FOXP1: variants seen among roughly 807,000 people sequenced by gnomAD.
FOXP1 encodes the protein forkhead box protein P1.
FOXP1 carries 15 observed loss-of-function variants against 98.2 expected under a neutral mutation model. That is an observed-to-expected ratio of 0.15 (90% CI 0.10 to 0.24). FOXP1 has a LOEUF of 0.24. FOXP1 is among the 10% of genes least tolerant of loss of function. The probability of loss-of-function intolerance (pLI) is 1.00; values close to 1 mark genes in which losing one functional copy is unlikely to be tolerated. For missense variants in FOXP1, 633 were observed against 848.5 expected, an observed-to-expected ratio of 0.75 and a Z score of 3.15; for synonymous variants, 371 against 314.5, an observed-to-expected ratio of 1.18 and a Z score of -1.90.
chr3:71,399,692 G>A (rs2081818696), intron 3 of FOXP1, among the ~76,000 whole-genome samples: 1 of 152,124 alleles, frequency 6.6e-6, no homozygotes, highest in African/African-American at 2.4e-5. Context: ...CTCAACCTTT[G>A]AAAGGCATAC....
intron 6 of FOXP1, among the ~76,000 whole-genome samples, chr3:71,183,178 G>T (rs115324295): frequency 0.017 from 2,532 of 152,074 alleles, 75 homozygotes; most frequent in African/African-American, 0.054. Context: ...TGATCATGGC[G>T]GTGGTGGTGA....
chr3:71,060,256 T>C (rs942996884), intron 7 of FOXP1, among the ~76,000 whole-genome samples: 2 of 152,124 alleles, frequency 1.3e-5, no homozygotes, highest in Non-Finnish European at 2.9e-5. Context: ...TAGAAAGAAT[T>C]ACAACTCAAC....
In FOXP1 at chr3:71,432,015, C is replaced by T. The variant is rs77488026; in HGVS notation, c.-168+61411G>A. ...GAAGCAGAGAGAACCTATGACCAAG[C>T]TGCAGGATCCCTTAAGGCTGCTAGT... On this transcript the variant is annotated intron_variant, in intron 3 of 20. Coordinates refer to ENST00000649528, the MANE Select transcript of FOXP1 (RefSeq NM_001349338.3). Among the ~76,000 whole-genome samples the T allele has an allele frequency of 3.1e-4, 47 of 152,318 alleles. 1 individual carries two copies. The East Asian group carries it at 8.9e-3, about 29-fold the overall frequency.
chr3:71,001,720 G>A (rs965274978), intron 12 of FOXP1, among the ~76,000 whole-genome samples: 2 of 152,038 alleles, frequency 1.3e-5, no homozygotes, highest in Non-Finnish European at 2.9e-5. Context: ...CCTGTCTTGT[G>A]GTCCTTTTAC....
At chr3:71,299,122 T>A (rs901937672) in intron 5 of FOXP1, among the ~76,000 whole-genome samples, 1 of 152,172 alleles carries the variant, frequency 6.6e-6, no homozygotes, top group Non-Finnish European at 1.5e-5. Flanking sequence ...ATATGTAGCA[T>A]CCATAACCAT....
At position 70,956,874 on chromosome 3, in the gene FOXP1, G is replaced by A; in HGVS notation, c.*2373C>T. ...TTTTGTACCAAGCTTATGAGTGGAT[G>A]GGAGTGTTACTTTTCTTTAAATGAA... On this transcript the variant is annotated 3_prime_UTR_variant, in exon 21 of 21. Coordinates refer to ENST00000649528, the MANE Select transcript of FOXP1 (RefSeq NM_001349338.3). 4.7e-6 allele frequency: 1 copy of A among 213,578 alleles called. No individual in the cohort carries two copies. Among genetic ancestry groups the A allele is most frequent in the Non-Finnish European group, 9.4e-6 (1 of 106,926 alleles). The allele number at this position is 213,578 out of a possible 1,614,324, so 13.2% of individuals were successfully genotyped here.
chr3:71,056,725 C>T (rs1001482320), intron 7 of FOXP1, among the ~76,000 whole-genome samples: 10 of 152,066 alleles, frequency 6.6e-5, no homozygotes, highest in Admixed American at 2.6e-4. Context: ...ATTTCCCCAA[C>T]GTTTCTGTTC....
intron 2 of FOXP1, among the ~76,000 whole-genome samples, chr3:71,501,512 C>G (rs1431507143): frequency 2.0e-5 from 3 of 152,048 alleles, no homozygotes. Context: ...CCAGGATGGT[C>G]TCAATCTCCT....
At chr3:71,046,016 G>C (rs888606472) in intron 10 of FOXP1, among the ~76,000 whole-genome samples, 2 of 152,128 alleles carry the variant, frequency 1.3e-5, no homozygotes, top group African/African-American at 4.8e-5. Context: ...TGCATAGATG[G>C]AGGAATTGTG....
rs191080383 is a variant in FOXP1 at position 70,977,034 on chromosome 3, G to C, written c.1437C>G (p.Leu479=). ...GTGTTAGCTGCTTTTCTGGAGATTC[G>C]AGAATGGCCTGTGAAGCAGAATGTA... ...TYASLIRQAI[L]ESPEKQLTLN... Residue 479 remains leucine (L), a synonymous_variant, in exon 17 of 21, where the codon CTC becomes CTG. Transcript: ENST00000649528. 6.2e-7 allele frequency: 1 copy of C among 1,610,148 alleles called. No homozygotes were observed. Among genetic ancestry groups the C allele is most frequent in the Non-Finnish European group, 8.5e-7 (1 of 1,176,418 alleles).
chr3:71,293,680 G>T (rs2072997171), intron 5 of FOXP1, among the ~76,000 whole-genome samples: 1 of 152,038 alleles, frequency 6.6e-6, no homozygotes. Flanking sequence ...CAATATTTAA[G>T]AAATTTTTTT....
chr3:71,366,130 C>T (rs929554979), intron 3 of FOXP1, among the ~76,000 whole-genome samples: 1 of 152,142 alleles, frequency 6.6e-6, no homozygotes, highest in African/African-American at 2.4e-5. Flanking sequence ...GTAATGACGA[C>T]TTGGTCCACT....
intron 5 of FOXP1, among the ~76,000 whole-genome samples, chr3:71,257,314 C>T (rs186136710): frequency 8.1e-4 from 123 of 152,252 alleles, no homozygotes; most frequent in Non-Finnish European, 1.5e-3. Context: ...TGGTGGCTCA[C>T]GCCTGTAATC....
chr3:71,378,351 G>A (rs914216744), intron 3 of FOXP1, among the ~76,000 whole-genome samples: 6 of 150,140 alleles, frequency 4.0e-5, no homozygotes, highest in South Asian at 2.1e-4. Flanking sequence ...TGTTATCCAC[G>A]GGTTGTGCTT....
At chr3:71,056,442 T>C (rs2050656554) in intron 7 of FOXP1, among the ~76,000 whole-genome samples, 1 of 152,174 alleles carries the variant, frequency 6.6e-6, no homozygotes, top group African/African-American at 2.4e-5. Flanking sequence ...TGAACTTGAG[T>C]CTCCCCTTCT....
At chr3:70,970,205 T>G (rs1180034115) in intron 19 of FOXP1, 1 of 159,124 alleles carries the variant, frequency 6.3e-6, no homozygotes, top group Non-Finnish European at 1.4e-5. Flanking sequence ...CTAAAGAGTC[T>G]TCTTAAACAC....
intron 5 of FOXP1, among the ~76,000 whole-genome samples, chr3:71,274,733 A>G (rs2070724407): frequency 6.6e-6 from 1 of 152,218 alleles, no homozygotes; most frequent in African/African-American, 2.4e-5. Flanking sequence ...AGCTGGAAGT[A>G]AAGGCTGGGT....
At chr3:71,308,225 C>A (rs901766314) in intron 4 of FOXP1, among the ~76,000 whole-genome samples, 1 of 152,122 alleles carries the variant, frequency 6.6e-6, no homozygotes, top group Non-Finnish European at 1.5e-5. Context: ...GCTGCAGACA[C>A]AGACATTTCA....
intron 3 of FOXP1, among the ~76,000 whole-genome samples, chr3:71,459,521 C>G (rs1194138851): frequency 2.0e-5 from 3 of 152,218 alleles, no homozygotes; most frequent in Non-Finnish European, 4.4e-5. Flanking sequence ...TTTTTCTATT[C>G]AGTTAATAAA....
Sources: allele counts gnomAD v4.1 joint callset (sites outside exome capture counted in the v4.1 genomes callset), GRCh38; gene constraint gnomAD v4.1.1; transcripts MANE v1.5; gene names NCBI Gene and HGNC (gene_info 2026-07-23, HGNC 2026-07-21).